Variants in COL6A5 observed in about 807,000 individuals in gnomAD.
COL6A5 encodes collagen type VI alpha 5 chain, also known as collagen alpha-5(VI) chain.
COL6A5 carries 48 observed loss-of-function variants against 65.6 expected under a neutral mutation model. The ratio of observed to expected loss-of-function variants is 0.73; its 90% CI spans 0.58 to 0.93. The LOEUF (loss-of-function observed/expected upper bound fraction) is 0.93. COL6A5 is among the 40% of genes least tolerant of loss of function. COL6A5 has a pLI of 0.00. For synonymous variants in COL6A5, 291 were observed against 322.8 expected (o/e 0.90, Z 1.05); for missense variants, 914 against 928.3 (o/e 0.98, Z 0.20).
At chr3:130,469,302 C>G (rs1301062610) in exon 6 of COL6A5, 1 of 1,612,938 alleles carries the variant, frequency 6.2e-7, no homozygotes, top group Non-Finnish European at 8.5e-7. Flanking sequence ...TCTCTGAGAG[C>G]CAAGTGTCAA....
rs35886424 is a variant in COL6A5, at chr3:130,410,478, G to C, written c.4616G>C (p.Ser1539Thr). ...AAATTATTATATTTTTAGGGTAGAA[G>C]TGGACAGAAAGGGGTGCAAGGCAGT... Residue 1539 changes from serine (S) to threonine (T), a missense_variant and NMD_transcript_variant, in exon 20 of 42, where the codon AGT (serine) becomes ACT (threonine). Physicochemically the swap from Ser to Thr is moderately conservative, Grantham distance 58 (BLOSUM62 1). Transcript: ENST00000312481. 193,125 of 1,548,564 alleles carry C rather than the reference G, an allele frequency of 0.12. 12,352 individuals are homozygous for C. Among genetic ancestry groups the C allele is most frequent in the Middle Eastern group, 0.15 (871 of 5,974 alleles).
intron 7 of COL6A5, among the ~76,000 whole-genome samples, chr3:130,480,879 G>A (rs990550211): frequency 4.6e-5 from 7 of 152,020 alleles, no homozygotes; most frequent in Admixed American, 3.3e-4. Context: ...GAACCAGTAA[G>A]GAAGGAAGCA....
chr3:130,348,084 G>A (rs1050529827), intron 1 of COL6A5, among the ~76,000 whole-genome samples: 1 of 152,160 alleles, frequency 6.6e-6, no homozygotes, highest in African/African-American at 2.4e-5. Context: ...ATTGCCACTT[G>A]CCATTCTCCA....
intron 5 of COL6A5, among the ~76,000 whole-genome samples, chr3:130,462,040 G>A (rs1039356892): frequency 1.3e-5 from 2 of 152,060 alleles, no homozygotes; most frequent in Non-Finnish European, 2.9e-5. Flanking sequence ...AAAGGATGAA[G>A]TCTATTTTAA....
intron 1 of COL6A5, among the ~76,000 whole-genome samples, chr3:130,357,827 A>G (rs1417600607): frequency 6.6e-6 from 1 of 152,188 alleles, no homozygotes; most frequent in African/African-American, 2.4e-5. Flanking sequence ...ATATTTTAAC[A>G]TAATTAGAAA....
intron 22 of COL6A5, among the ~76,000 whole-genome samples, chr3:130,415,318 C>T (rs529986300): frequency 2.0e-5 from 3 of 152,248 alleles, no homozygotes; most frequent in Non-Finnish European, 2.9e-5. Flanking sequence ...TCAGGTAACC[C>T]GTCCCTTTAA....
chr3:130,459,647 TGGCA>T (rs757777497), intron 5 of COL6A5, among the ~76,000 whole-genome samples: 69 of 152,250 alleles, frequency 4.5e-4, no homozygotes, highest in Non-Finnish European at 8.4e-4. Context: ...TTTATGGAAC[TGGCA>T]GACTCACTAG....
intron 4 of COL6A5, among the ~76,000 whole-genome samples, chr3:130,445,209 A>G (rs1425799669): frequency 1.3e-5 from 2 of 152,232 alleles, no homozygotes; most frequent in Non-Finnish European, 2.9e-5. Flanking sequence ...AATTAAAGTG[A>G]AAACAAATCT....
rs1012363 is a variant in COL6A5, at chr3:130,396,555, G to A, written c.3569-1028G>A. ...TTGCAGTTTGTTTGTCGCATCCAGC[G>A]TTGATGAGTTGCTAAATTAGTTGAC... is the stretch of plus-strand genomic sequence containing the variant. On this transcript the variant is annotated intron_variant and NMD_transcript_variant, in intron 8 of 41. Transcript: ENST00000312481. Among the ~76,000 whole-genome samples, 706 of 152,332 alleles carry A rather than the reference G, an allele frequency of 4.6e-3. 4 individuals carry two copies. Among genetic ancestry groups the A allele is most frequent in the Admixed American group, 7.8e-3 (119 of 15,308 alleles).
At chr3:130,357,355 T>C (rs1007168658) in intron 1 of COL6A5, among the ~76,000 whole-genome samples, 4 of 152,214 alleles carry the variant, frequency 2.6e-5, no homozygotes, top group Non-Finnish European at 5.9e-5. Context: ...TTTGGCCTTG[T>C]CGGTATATGG....
intron 27 of COL6A5, among the ~76,000 whole-genome samples, chr3:130,422,183 C>T (rs1040826034): frequency 6.6e-6 from 1 of 151,818 alleles, no homozygotes; most frequent in South Asian, 2.1e-4. Flanking sequence ...GCAAAAGGGA[C>T]AATATAAATC....
intron 2 of COL6A5, among the ~76,000 whole-genome samples, chr3:130,439,829 A>G (rs1242138521): frequency 7.2e-6 from 1 of 138,562 alleles, no homozygotes; most frequent in African/African-American, 2.4e-5. Flanking sequence ...TATCCCAACC[A>G]ATGTAGCATT....
exon 3 of COL6A5, chr3:130,376,532 C>T (rs1269420921): frequency 6.2e-7 from 1 of 1,605,274 alleles, no homozygotes. Flanking sequence ...ATAGGACCTA[C>T]TTCTCTGCAC....
At chr3:130,418,317 T>C (rs1033451965) in intron 24 of COL6A5, among the ~76,000 whole-genome samples, 1 of 151,978 alleles carries the variant, frequency 6.6e-6, no homozygotes, top group Non-Finnish European at 1.5e-5. Context: ...TGGATCACTC[T>C]CACCCCTTTC....
chr3:130,408,000 C>T (rs993529746), intron 17 of COL6A5, among the ~76,000 whole-genome samples: 9 of 152,084 alleles, frequency 5.9e-5, no homozygotes, highest in Admixed American at 1.3e-4. Context: ...GGATATATGT[C>T]GCCTCAGGAC....
At chr3:130,358,428 A>T (rs1450838733) in intron 1 of COL6A5, among the ~76,000 whole-genome samples, 1 of 152,184 alleles carries the variant, frequency 6.6e-6, no homozygotes, top group African/African-American at 2.4e-5. Context: ...AACATGAGTA[A>T]GAGAAAAGAT....
intron 12 of COL6A5, 36 bp from the exon 13 acceptor site, chr3:130,403,573 G>T: frequency 2.6e-6 from 4 of 1,525,194 alleles, no homozygotes; most frequent in African/African-American, 1.4e-5. Context: ...ATTGGGGGGG[G>T]GTGACTAAAA....
chr3:130,404,368 G>A (rs1301994303), intron 13 of COL6A5, among the ~76,000 whole-genome samples: 5 of 152,154 alleles, frequency 3.3e-5, no homozygotes, highest in Non-Finnish European at 7.3e-5. Context: ...CCTCATCTGG[G>A]CAGGAAGTTT....
rs572084565 is a variant in COL6A5, at chr3:130,456,291, A to G, written c.1544+625A>G. Among the ~76,000 whole-genome samples the G allele has an allele frequency of 3.3e-5, 5 of 152,290 alleles. No homozygotes were observed. The South Asian group carries it at 8.3e-4, about 25-fold the overall frequency. On this transcript the variant is annotated intron_variant, in intron 5 of 7. Coordinates refer to ENST00000512836, the Ensembl canonical transcript of COL6A5. ...TGTAATAATTTCAAACAAATCAGAT[A>G]CAAAGGAGTATGTCTATATTTTCAT...
Sources: gnomAD v4.1 joint callset for allele counts (sites outside exome capture counted in the v4.1 genomes callset) on GRCh38, gnomAD v4.1.1 for gene constraint, MANE v1.5 for transcripts, NCBI Gene and HGNC (gene_info 2026-07-23, HGNC 2026-07-21) for gene names.